The following DMRTA1 variants were observed in gnomAD, a reference collection of about 807,000 sequenced individuals.
DMRTA1 encodes the protein DMRT like family A1, also known as doublesex- and mab-3-related transcription factor A1.
Under a neutral mutation model 35.2 loss-of-function variants are expected in DMRTA1, and 34 were observed. The ratio of observed to expected loss-of-function variants is 0.97; its 90% CI spans 0.74 to 1.29. The LOEUF is 1.29. Among genes scored for constraint, DMRTA1 ranks in the 50% most tolerant of loss-of-function variants. DMRTA1 has a pLI of 0.00. For synonymous variants in DMRTA1, 344 were observed against 276.6 expected (o/e 1.24, Z -2.42); for missense variants, 824 against 644.6 (o/e 1.28, Z -3.01).
Position 22,451,299 on chromosome 9 carries a change from A to G in DMRTA1, c.903A>G (p.Glu301=). The G allele has an allele frequency of 6.2e-7, 1 of 1,614,152 alleles. No individual in the cohort carries two copies. The highest frequency in any genetic ancestry group is 8.5e-7 in the Non-Finnish European group (1 of 1,179,982). Reference sequence around the variant, plus strand: ...GGTCCTTATCATCCTCTGATCTGGAATCAGGAAATGAAAGTGAATGGGTCA... The same window carrying G: ...GGTCCTTATCATCCTCTGATCTGGAGTCAGGAAATGAAAGTGAATGGGTCA... The part of the protein sequence containing the change: ...SPRSLSSSDL[E]SGNESEWVKD... Residue 301 remains glutamate (E), a synonymous_variant, in exon 2 of 2, where the codon GAA becomes GAG. Transcript: ENST00000325870.
Position 22,450,983 on chromosome 9 carries a change from C to T in DMRTA1, c.668-81C>T, listed in dbSNP as rs964353908. The T allele has an allele frequency of 1.2e-5, 16 of 1,366,244 alleles. No homozygotes were observed. In the African/African-American group the frequency reaches 2.2e-4, roughly 19 times the overall value. The allele number at this position is 1,366,244 out of a possible 1,614,324, so 84.6% of individuals were successfully genotyped here. On this transcript the variant is annotated intron_variant, in intron 1 of 1. Transcript: ENST00000325870. ...AATAGGAGTGAATTAATTATATTATCCAGCATTATTTTTGAGTGAGCAGTA... is the reference window on the plus strand; with the variant it reads ...AATAGGAGTGAATTAATTATATTATTCAGCATTATTTTTGAGTGAGCAGTA...
At position 22,447,681 on chromosome 9, in the gene DMRTA1, G is replaced by C. The variant is rs745646870; in HGVS notation, c.616G>C (p.Ala206Pro). 7 of 1,612,866 alleles carry C rather than the reference G, an allele frequency of 4.3e-6. No individual in the cohort carries two copies. The African/African-American group carries it at 8.0e-5, about 18-fold the overall frequency. The change falls in exon 1 of 2, where the codon GCG becomes CCG. Residue 206 changes from alanine (A) to proline (P), a missense_variant. Physicochemically the swap from Ala to Pro is conservative, Grantham distance 27. Transcript: ENST00000325870. ...TGCCTTGAGACAGGCCAGTGGTTCCGCGACCCCCGCTTTCGAAGTTTTCCA... is the reference window on the plus strand; with the variant it reads ...TGCCTTGAGACAGGCCAGTGGTTCCCCGACCCCCGCTTTCGAAGTTTTCCA... ...LGALRQASGS[A>P]TPAFEVFQQD...
intron 1 of DMRTA1, among the ~76,000 whole-genome samples, chr9:22,449,796 A>G (rs772844992): frequency 1.1e-4 from 16 of 152,138 alleles, no homozygotes; most frequent in Admixed American, 2.0e-4. Context: ...GCTAAATTGT[A>G]TACACTTTAA....
Position 22,453,348 on chromosome 9 carries a change from A to T in DMRTA1, c.*1437A>T, listed in dbSNP as rs546700355. The T allele has an allele frequency of 3.9e-5, 6 of 152,190 alleles. No individual in the cohort carries two copies. The highest frequency in any genetic ancestry group is 1.4e-4 in the African/African-American group (6 of 41,568). 9.4% of individuals were successfully genotyped at this position (152,190 alleles called of 1,614,324 possible). On this transcript the variant is annotated 3_prime_UTR_variant, in exon 2 of 2. Transcript: ENST00000325870. ...ACATTAAACCCCTATAGGTTATATTATCATGGAGGCGTTTTTCATGAAGCC... is the reference window on the plus strand; with the variant it reads ...ACATTAAACCCCTATAGGTTATATTTTCATGGAGGCGTTTTTCATGAAGCC...
Position 22,452,088 on chromosome 9 carries a change from C to A in DMRTA1, c.*177C>A. The A allele has an allele frequency of 5.1e-6, 3 of 590,350 alleles. No individual in the cohort carries two copies. Among genetic ancestry groups the A allele is most frequent in the Non-Finnish European group, 5.4e-6 (2 of 370,290 alleles). 36.6% of individuals were successfully genotyped at this position (590,350 alleles called of 1,614,324 possible). ...ATAATAGGTCTTAGATCTGAAAACT[C>A]TTCATTAGGATTTATCAAGTGAAAG... On this transcript the variant is annotated 3_prime_UTR_variant, in exon 2 of 2. Coordinates refer to ENST00000325870, the MANE Select transcript of DMRTA1 (RefSeq NM_022160.3).
intron 1 of DMRTA1, among the ~76,000 whole-genome samples, chr9:22,450,586 G>T (rs1157078520): frequency 2.0e-5 from 3 of 152,064 alleles, no homozygotes; most frequent in African/African-American, 4.8e-5. Context: ...TGATTAAATA[G>T]AATATTCATT....
chr9:22,450,495 GTTT>G, intron 1 of DMRTA1, among the ~76,000 whole-genome samples: 1 of 151,424 alleles, frequency 6.6e-6, no homozygotes, highest in Middle Eastern at 3.4e-3. Context: ...GAAATGAACA[GTTT>G]TTTTTTACAT....
Position 22,451,532 on chromosome 9 carries a change from CAG to C in DMRTA1, c.1138_1139del (p.Glu380ArgfsTer14), listed in dbSNP as rs757632938. Reference sequence around the variant, plus strand: ...CCAGACAACAGGAACCTAGCAAACTCAGAAGAACTGGAAAACACAGCCTTTCA... The same window carrying C: ...CCAGACAACAGGAACCTAGCAAACTCAAGAACTGGAAAACACAGCCTTTCA... On this transcript the variant is annotated frameshift_variant, in exon 2 of 2. Coordinates refer to ENST00000325870, the MANE Select transcript of DMRTA1 (RefSeq NM_022160.3). LOFTEE classifies it high-confidence loss of function. The C allele has an allele frequency of 6.2e-7, 1 of 1,614,136 alleles. No individual in the cohort carries two copies. Among genetic ancestry groups the C allele is most frequent in the Non-Finnish European group, 8.5e-7 (1 of 1,179,972 alleles).
At chr9:22,451,006 G>A in intron 1 of DMRTA1, 58 bp from the exon 2 acceptor site, 2 of 1,539,184 alleles carry the variant, frequency 1.3e-6, no homozygotes, top group Non-Finnish European at 1.7e-6. Context: ...TGAGTGAGCA[G>A]TACCACATTC....
chr9:22,447,725 A>C lies in DMRTA1; in HGVS notation c.660A>C (p.Glu220Asp). The C allele has an allele frequency of 6.2e-7, 1 of 1,613,460 alleles. No homozygotes were observed. Among genetic ancestry groups the C allele is most frequent in the East Asian group, 2.2e-5 (1 of 44,860 alleles). The stretch of plus-strand genomic sequence containing the variant: ...TTTTCCAGCAAGATTATCCTGAGGA[A>C]AAACAAGGTGAGTTGGTCTTTGATT... ...FEVFQQDYPE[E>D]KQEQKESKCE... The change falls in exon 1 of 2, where the codon GAA becomes GAC. Residue 220 changes from glutamate to aspartate, a missense_variant. Transcript: ENST00000325870.
chr9:22,447,289 C>T lies in DMRTA1; in HGVS notation c.224C>T (p.Pro75Leu), dbSNP rs544960245. Residue 75 changes from proline (P) to leucine (L), a missense_variant, in exon 1 of 2, where the codon CCG becomes CTG. Transcript: ENST00000325870. ...AAATSGSGGC[P>L]PAPGLESGVG... ...GCCACCTCGGGAAGCGGAGGCTGCC[C>T]GCCGGCTCCCGGGCTGGAGAGCGGG... 4 of 1,505,326 alleles carry T rather than the reference C, an allele frequency of 2.7e-6. No homozygotes were observed. Among genetic ancestry groups the T allele is most frequent in the South Asian group, 1.3e-5 (1 of 78,972 alleles). 93.2% of individuals were successfully genotyped at this position (1,505,326 alleles called of 1,614,324 possible).
chr9:22,450,935 G>A (rs781198333), intron 1 of DMRTA1, 129 bp from the exon 2 acceptor site: 15 of 952,376 alleles, frequency 1.6e-5, no homozygotes, highest in Middle Eastern at 3.1e-4. Context: ...AAAATGTCTT[G>A]GAGTGTATAA....
In DMRTA1 at chr9:22,452,673, C is replaced by T. The variant is rs74945121; in HGVS notation, c.*762C>T. On this transcript the variant is annotated 3_prime_UTR_variant, in exon 2 of 2. Coordinates refer to ENST00000325870, the MANE Select transcript of DMRTA1 (RefSeq NM_022160.3). ...GTATATGAATTAGAAACATTGATTC[C>T]GGAGAATAACCATTTTTTTTTCAAA... is the stretch of plus-strand genomic sequence containing the variant. 6.6e-6 allele frequency: 1 copy of T among 151,982 alleles called. No individual in the cohort carries two copies. The highest frequency in any genetic ancestry group is 2.4e-5 in the African/African-American group (1 of 41,380). 9.4% of individuals were successfully genotyped at this position (151,982 alleles called of 1,614,324 possible). A position where few individuals can be genotyped will look rare whatever the true frequency, so the allele number is the denominator to read the frequency against.
Position 22,451,110 on chromosome 9 carries a change from A to G in DMRTA1, c.714A>G (p.Glu238=), listed in dbSNP as rs1470294330. The G allele has an allele frequency of 3.7e-6, 6 of 1,613,868 alleles. No individual in the cohort carries two copies. The highest frequency in any genetic ancestry group is 5.1e-6 in the Non-Finnish European group (6 of 1,179,900). Reference sequence around the variant, plus strand: ...AGTCATGCCAGAATGGACAAGAAGAACTGATCTCCAAATCCCATCAGCTTT... The same window carrying G: ...AGTCATGCCAGAATGGACAAGAAGAGCTGATCTCCAAATCCCATCAGCTTT... ...KCESCQNGQE[E]LISKSHQLYL... Residue 238 remains glutamate, a synonymous_variant, in exon 2 of 2, where the codon GAA becomes GAG. Coordinates refer to ENST00000325870, the MANE Select transcript of DMRTA1 (RefSeq NM_022160.3).
chr9:22,451,007 T>C, intron 1 of DMRTA1, 57 bp from the exon 2 acceptor site: 1 of 1,542,256 alleles, frequency 6.5e-7, no homozygotes, highest in Non-Finnish European at 8.7e-7. Flanking sequence ...GAGTGAGCAG[T>C]ACCACATTCT....
chr9:22,448,144 T>C (rs1046364375), intron 1 of DMRTA1, among the ~76,000 whole-genome samples: 4 of 152,202 alleles, frequency 2.6e-5, no homozygotes, highest in African/African-American at 9.6e-5. Context: ...GATCTCACTC[T>C]GTTGCCCAGG....
rs866640006 is a variant in DMRTA1 at position 22,451,474 on chromosome 9, A to G, written c.1078A>G (p.Ile360Val). 4 of 1,614,094 alleles carry G rather than the reference A, an allele frequency of 2.5e-6. No individual in the cohort carries two copies. The highest frequency in any genetic ancestry group is 2.7e-5 in the African/African-American group (2 of 74,946). ...RFCKGDVVQA[I>V]EQVLNGKEHK... Reference sequence around the variant, plus strand: ...CTGCAAAGGGGATGTGGTCCAAGCCATTGAACAGGTTTTAAATGGCAAAGA... The same window carrying G: ...CTGCAAAGGGGATGTGGTCCAAGCCGTTGAACAGGTTTTAAATGGCAAAGA... The change falls in exon 2 of 2, where the codon ATT becomes GTT. Residue 360 changes from isoleucine to valine, a missense_variant. By Grantham distance (29) the Ile-to-Val change is conservative (BLOSUM62 3). Coordinates refer to ENST00000325870, the MANE Select transcript of DMRTA1 (RefSeq NM_022160.3).
In DMRTA1 at chr9:22,451,172, G is replaced by C. The variant is rs976230965; in HGVS notation, c.776G>C (p.Gly259Ala). 1 of 1,613,972 alleles carries C rather than the reference G, an allele frequency of 6.2e-7. No individual in the cohort carries two copies. Residue 259 changes from glycine (G) to alanine (A), a missense_variant, in exon 2 of 2, where the codon GGG becomes GCG. By Grantham distance (60) the Gly-to-Ala change is moderately conservative (BLOSUM62 0). Coordinates refer to ENST00000325870, the MANE Select transcript of DMRTA1 (RefSeq NM_022160.3). The stretch of plus-strand genomic sequence containing the variant: ...TCTTCTAGGTCTAATGGTGTCATTG[G>C]GAAACAAAGTATCGGGTCATCTATT... ...GSSSRSNGVIGKQSIGSSISE... is the reference protein window; with the variant it reads ...GSSSRSNGVIAKQSIGSSISE...
Position 22,451,956 on chromosome 9 carries a change from T to C in DMRTA1, c.*45T>C, listed in dbSNP as rs371450525. The C allele has an allele frequency of 8.1e-6, 13 of 1,601,258 alleles. No homozygotes were observed. Among genetic ancestry groups the C allele is most frequent in the African/African-American group, 2.7e-5 (2 of 74,656 alleles). ...TTTCTGGAGTTTTTCCAGCATACAATACATGCACGTGCACACACATACACA... is the reference window on the plus strand; with the variant it reads ...TTTCTGGAGTTTTTCCAGCATACAACACATGCACGTGCACACACATACACA... On this transcript the variant is annotated 3_prime_UTR_variant, in exon 2 of 2. Transcript: ENST00000325870.
Sources: gnomAD v4.1 joint callset for allele counts (sites outside exome capture counted in the v4.1 genomes callset) on GRCh38, gnomAD v4.1.1 for gene constraint, MANE v1.5 for transcripts, NCBI Gene and HGNC (gene_info 2026-07-23, HGNC 2026-07-21) for gene names.